DSCAML1: variants seen among roughly 807,000 people sequenced by gnomAD.
DSCAML1 encodes cell adhesion molecule DSCAML1.
A neutral mutation model predicts 200.5 loss-of-function variants in DSCAML1; 38 were observed. That is an observed-to-expected ratio of 0.19 (90% CI 0.15 to 0.25). The LOEUF (loss-of-function observed/expected upper bound fraction) is 0.25. DSCAML1 is among the 10% of genes least tolerant of loss of function. DSCAML1 has a pLI of 1.00. For missense variants in DSCAML1, 2,223 were observed against 2,858.8 expected (o/e 0.78, Z 5.07); for synonymous variants, 1,215 against 1,165.0 (o/e 1.04, Z -0.87).
At chr11:117,522,063 C>T (rs1040098263) in intron 5 of DSCAML1, among the ~76,000 whole-genome samples, 5 of 152,218 alleles carry the variant, frequency 3.3e-5, no homozygotes, top group Non-Finnish European at 5.9e-5. Context: ...AAAGGGGTTC[C>T]GTTGTCACCA....
At chr11:117,666,589 T>G (rs2052980624) in intron 3 of DSCAML1, among the ~76,000 whole-genome samples, 1 of 152,160 alleles carries the variant, frequency 6.6e-6, no homozygotes, top group African/African-American at 2.4e-5. Context: ...TCTCCCTCAC[T>G]GAGCCTGTGT....
intron 13 of DSCAML1, 111 bp downstream of exon 13, chr11:117,481,063 T>C: frequency 9.5e-7 from 1 of 1,052,260 alleles, no homozygotes; most frequent in Non-Finnish European, 1.4e-6. Flanking sequence ...CAGTTTCCTG[T>C]CATCCTCCAC....
intron 3 of DSCAML1, among the ~76,000 whole-genome samples, chr11:117,724,545 C>T (rs4936401): frequency 0.81 from 122,559 of 152,164 alleles, 52,146 homozygotes; most frequent in Non-Finnish European, 0.94. Context: ...TGCTCAGATG[C>T]CGGCTAACTT....
chr11:117,772,732 A>C (rs960717430), intron 3 of DSCAML1, among the ~76,000 whole-genome samples: 3 of 152,216 alleles, frequency 2.0e-5, no homozygotes, highest in African/African-American at 7.2e-5. Flanking sequence ...AAATTAAACC[A>C]CATCTCAGCT....
At chr11:117,817,349 G>T (rs570697507) in intron 1 of DSCAML1, 1 of 152,784 alleles carries the variant, frequency 6.5e-6, no homozygotes, top group South Asian at 2.1e-4. Flanking sequence ...CACCTGCTCC[G>T]CCTGGCTGCG....
intron 3 of DSCAML1, among the ~76,000 whole-genome samples, chr11:117,587,644 T>C (rs549071199): frequency 6.6e-6 from 1 of 152,268 alleles, no homozygotes; most frequent in South Asian, 2.1e-4. Context: ...ACTGAGATGA[T>C]AAACTGAGGA....
intron 3 of DSCAML1, among the ~76,000 whole-genome samples, chr11:117,633,532 T>G (rs1344600873): frequency 6.6e-6 from 1 of 152,218 alleles, no homozygotes; most frequent in African/African-American, 2.4e-5. Flanking sequence ...ACGCAGAATT[T>G]TCCTTGCTAA....
intron 3 of DSCAML1, among the ~76,000 whole-genome samples, chr11:117,666,079 C>A (rs1272330340): frequency 6.6e-6 from 1 of 152,146 alleles, no homozygotes; most frequent in African/African-American, 2.4e-5. Context: ...CTGCTGAGAA[C>A]CCTGTAATGC....
intron 3 of DSCAML1, among the ~76,000 whole-genome samples, chr11:117,662,828 T>C (rs1306691030): frequency 6.6e-6 from 1 of 152,192 alleles, no homozygotes; most frequent in East Asian, 1.9e-4. Flanking sequence ...TGGGCCCCAC[T>C]CAAAATTTGA....
At chr11:117,744,087 A>G (rs549466680) in intron 3 of DSCAML1, among the ~76,000 whole-genome samples, 1 of 152,332 alleles carries the variant, frequency 6.6e-6, no homozygotes, top group African/African-American at 2.4e-5. Flanking sequence ...ATCATAATCG[A>G]TAATGATTGT....
chr11:117,737,041 C>T (rs1463919360), intron 3 of DSCAML1, among the ~76,000 whole-genome samples: 4 of 152,154 alleles, frequency 2.6e-5, no homozygotes, highest in South Asian at 2.1e-4. Flanking sequence ...AGCTGCTATA[C>T]ACAGTGTGGG....
Position 117,518,317 on chromosome 11 carries a change from G to A in DSCAML1, c.1510+149C>T. ...GGATGATGGCGCTTGAGGAGGGCAG[G>A]AAAAGGGGACGAGAGAGGGGAGAGA... On this transcript the variant is annotated intron_variant, in intron 7 of 32. Coordinates refer to ENST00000651296, the MANE Select transcript of DSCAML1 (RefSeq NM_020693.4). The surrounding 1 kb of genome is among the most constrained non-coding windows in gnomAD (Gnocchi z 6.3). The A allele has an allele frequency of 9.1e-7, 1 of 1,098,308 alleles. No individual in the cohort carries two copies. Among genetic ancestry groups the A allele is most frequent in the South Asian group, 1.4e-5 (1 of 70,720 alleles). 68.0% of individuals were successfully genotyped at this position (1,098,308 alleles called of 1,614,324 possible).
intron 19 of DSCAML1, among the ~76,000 whole-genome samples, chr11:117,450,984 T>C (rs927611820): frequency 2.6e-5 from 4 of 152,160 alleles, no homozygotes; most frequent in African/African-American, 9.7e-5. Context: ...ACAGAACCTA[T>C]GAGGAATTCA....
chr11:117,473,184 A>AT (rs35824911), intron 14 of DSCAML1, among the ~76,000 whole-genome samples: 7 of 150,162 alleles, frequency 4.7e-5, no homozygotes, highest in Non-Finnish European at 1.0e-4. Context: ...GACTAAAAAA[A>AT]TTTTTTTTTG....
In DSCAML1 at chr11:117,797,039, T is replaced by C. The variant is rs766685486; in HGVS notation, c.41A>G (p.His14Arg). ...GCCGCCCGCGCAGGTCTCACCTTTG[T>C]GTAAAGAGTCCAGGAGCAGGAGGAA... Reference protein sequence around the residue: ...VTFLLLLDSLHKARPEDVGTS... With the variant: ...VTFLLLLDSLRKARPEDVGTS... Residue 14 changes from histidine to arginine, a missense_variant, in exon 1 of 33, where the codon CAC becomes CGC. By Grantham distance (29) the His-to-Arg change is conservative. This residue lies in a region of DSCAML1 where 579 missense variants were observed against 721.5 expected (regional missense o/e 0.80). Transcript: ENST00000651296. The C allele has an allele frequency of 1.3e-6, 2 of 1,533,876 alleles. No homozygotes were observed. Among genetic ancestry groups the C allele is most frequent in the Admixed American group, 3.9e-5 (2 of 50,776 alleles).
chr11:117,618,943 T>C (rs1321864064), intron 3 of DSCAML1, among the ~76,000 whole-genome samples: 1 of 152,150 alleles, frequency 6.6e-6, no homozygotes, highest in Non-Finnish European at 1.5e-5. Flanking sequence ...GGTTGCTGAA[T>C]ACTGCAGAAG....
chr11:117,708,843 T>C (rs1303822516), intron 3 of DSCAML1, among the ~76,000 whole-genome samples: 1 of 151,900 alleles, frequency 6.6e-6, no homozygotes, highest in Non-Finnish European at 1.5e-5. Flanking sequence ...GAGTACAAAG[T>C]GGGGGGTGGG....
intron 21 of DSCAML1, among the ~76,000 whole-genome samples, chr11:117,440,945 AAAG>A (rs2048033415): frequency 7.0e-6 from 1 of 143,750 alleles, no homozygotes; most frequent in Admixed American, 6.9e-5. Flanking sequence ...AAAAAAAAAA[AAAG>A]GAGTGGTGTC....
chr11:117,478,454 C>T (rs1392540710), intron 14 of DSCAML1, among the ~76,000 whole-genome samples: 1 of 152,180 alleles, frequency 6.6e-6, no homozygotes, highest in Non-Finnish European at 1.5e-5. Context: ...GTCCCCTTTG[C>T]CTCATCACAT....
Sources: allele counts gnomAD v4.1 joint callset (sites outside exome capture counted in the v4.1 genomes callset), GRCh38; gene constraint gnomAD v4.1.1; regional missense constraint gnomAD v4.1.1; non-coding constraint Gnocchi (gnomAD v3.1); transcripts MANE v1.5; gene names NCBI Gene and HGNC (gene_info 2026-07-23, HGNC 2026-07-21).